Variants in DCC observed in about 807,000 individuals in gnomAD.
DCC encodes the protein netrin receptor DCC.
DCC carries 58 observed loss-of-function variants against 172.5 expected under a neutral mutation model. The ratio of observed to expected loss-of-function variants is 0.34; its 90% confidence interval spans 0.27 to 0.42. The LOEUF (loss-of-function observed/expected upper bound fraction) is 0.42, where lower values mean the gene tolerates loss of function less well. Ranked by LOEUF, DCC falls within the 10% of genes least tolerant of loss-of-function variation. DCC has a pLI of 1.00. For synonymous variants in DCC, 709 were observed against 644.5 expected (o/e 1.10, Z -1.52); for missense variants, 1,740 against 1,791.0 (o/e 0.97, Z 0.51).
intron 1 of DCC, among the ~76,000 whole-genome samples, chr18:52,509,479 AAAGTGTTTAGAC>A (rs2031356076): frequency 6.6e-6 from 1 of 152,200 alleles, no homozygotes; most frequent in Non-Finnish European, 1.5e-5. Flanking sequence ...ACCAATTAAC[AAAGTGTTTAGAC>A]AAGCCTATCC....
intron 26 of DCC, among the ~76,000 whole-genome samples, chr18:53,498,087 G>A (rs932799745): frequency 6.6e-6 from 1 of 152,178 alleles, no homozygotes; most frequent in African/African-American, 2.4e-5. Context: ...AACCCCTTCT[G>A]AATATAGAAG....
At chr18:52,369,293 CT>C (rs1199910639) in intron 1 of DCC, among the ~76,000 whole-genome samples, 1 of 151,584 alleles carries the variant, frequency 6.6e-6, no homozygotes, top group Non-Finnish European at 1.5e-5. Context: ...TTCCTCCCCA[CT>C]TTAGATCCTT....
chr18:52,595,051 A>C (rs1010640521), intron 1 of DCC, among the ~76,000 whole-genome samples: 10 of 152,178 alleles, frequency 6.6e-5, no homozygotes, highest in African/African-American at 2.4e-4. Context: ...TACTGTAAAG[A>C]CTTTAGCTAT....
intron 8 of DCC, among the ~76,000 whole-genome samples, chr18:53,172,565 G>T (rs2055029548): frequency 6.6e-6 from 1 of 152,124 alleles, no homozygotes; most frequent in East Asian, 1.9e-4. Context: ...AGTTTATTTA[G>T]TATTTGTAAG....
At chr18:52,971,915 G>C (rs1483205743) in intron 5 of DCC, among the ~76,000 whole-genome samples, 1 of 152,078 alleles carries the variant, frequency 6.6e-6, no homozygotes, top group Non-Finnish European at 1.5e-5. Flanking sequence ...AGCACATTGA[G>C]GCATGAATTC....
At chr18:53,104,083 A>G (rs2043211079) in intron 7 of DCC, among the ~76,000 whole-genome samples, 1 of 152,084 alleles carries the variant, frequency 6.6e-6, no homozygotes, top group African/African-American at 2.4e-5. Flanking sequence ...ATTCAGACAG[A>G]ATTGGTAATA....
intron 9 of DCC, among the ~76,000 whole-genome samples, chr18:53,189,320 T>C (rs1346809970): frequency 6.6e-6 from 1 of 152,106 alleles, no homozygotes; most frequent in African/African-American, 2.4e-5. Context: ...TTAGGGATTT[T>C]ATCAATTGAA....
At chr18:53,043,814 C>G (rs2042201289) in intron 5 of DCC, among the ~76,000 whole-genome samples, 1 of 151,876 alleles carries the variant, frequency 6.6e-6, no homozygotes, top group African/African-American at 2.4e-5. Context: ...TCCTAGTAAA[C>G]TATTAATTCT....
chr18:53,257,473 A>G (rs375275203), intron 12 of DCC, among the ~76,000 whole-genome samples: 4 of 152,212 alleles, frequency 2.6e-5, no homozygotes, highest in Middle Eastern at 3.4e-3. Context: ...AGATAATCAT[A>G]TGGTTTTTGT....
At chr18:52,436,149 T>C (rs1987788085) in intron 1 of DCC, among the ~76,000 whole-genome samples, 1 of 152,242 alleles carries the variant, frequency 6.6e-6, no homozygotes, top group East Asian at 1.9e-4. Context: ...ACACAAGGAC[T>C]GTTTTTGAAA....
intron 15 of DCC, among the ~76,000 whole-genome samples, chr18:53,343,297 C>G (rs1355139676): frequency 6.6e-6 from 1 of 151,956 alleles, no homozygotes; most frequent in Non-Finnish European, 1.5e-5. Context: ...GTTATTACCT[C>G]TGGTCTCTTT....
chr18:53,486,713 A>T (rs1215995879), intron 25 of DCC, 84 bp from the exon 26 acceptor site: 2 of 1,578,000 alleles, frequency 1.3e-6, no homozygotes, highest in African/African-American at 2.7e-5. Flanking sequence ...AGATTTGAGG[A>T]TCTGAAAATT....
intron 2 of DCC, among the ~76,000 whole-genome samples, chr18:52,783,163 G>A (rs2037580597): frequency 6.6e-6 from 1 of 151,886 alleles, no homozygotes; most frequent in Admixed American, 6.6e-5. Context: ...AATTATACAA[G>A]AAATTCAATT....
intron 12 of DCC, among the ~76,000 whole-genome samples, chr18:53,242,872 GT>G (rs1437121032): frequency 3.6e-4 from 9 of 25,080 alleles, no homozygotes; most frequent in Non-Finnish European, 7.0e-4. Flanking sequence ...TGACAAGTAG[GT>G]GTGTGTGTGT....
intron 11 of DCC, among the ~76,000 whole-genome samples, chr18:53,212,703 C>T (rs2055776779): frequency 6.6e-6 from 1 of 150,712 alleles, no homozygotes; most frequent in South Asian, 2.1e-4. Flanking sequence ...CAGAGTCTCA[C>T]TGTCTTGCCC....
At chr18:52,419,762 C>T (rs1987182285) in intron 1 of DCC, 1 of 152,032 alleles carries the variant, frequency 6.6e-6, no homozygotes. Flanking sequence ...TTGTTATTTC[C>T]ACCTCCTTAA....
chr18:52,421,615 G>A (rs1293770069), intron 1 of DCC, among the ~76,000 whole-genome samples: 1 of 152,152 alleles, frequency 6.6e-6, no homozygotes, highest in Non-Finnish European at 1.5e-5. Context: ...TCACTTCCAC[G>A]GAGCATAGGG....
intron 13 of DCC, among the ~76,000 whole-genome samples, chr18:53,318,283 G>C (rs999713079): frequency 1.3e-5 from 2 of 152,166 alleles, no homozygotes; most frequent in Admixed American, 6.5e-5. Context: ...CCATGTAGTT[G>C]TGTGGTTTTG....
At chr18:52,885,471 C>T (rs1020990127) in intron 2 of DCC, among the ~76,000 whole-genome samples, 1 of 152,170 alleles carries the variant, frequency 6.6e-6, no homozygotes, top group East Asian at 1.9e-4. Context: ...TTCCAGGCCA[C>T]CACTGATATT....
Sources: allele counts gnomAD v4.1 joint callset (sites outside exome capture counted in the v4.1 genomes callset), GRCh38; gene constraint gnomAD v4.1.1; transcripts MANE v1.5; gene names NCBI Gene and HGNC (gene_info 2026-07-23, HGNC 2026-07-21).